Variants in ARHGAP10 observed in about 807,000 individuals in gnomAD.
ARHGAP10 encodes the protein Rho GTPase activating protein 10, also known as rho GTPase-activating protein 10.
In ARHGAP10, 87 loss-of-function variants were observed where a neutral mutation model predicts 108.6. The ratio of observed to expected loss-of-function variants is 0.80; its 90% confidence interval spans 0.67 to 0.96. ARHGAP10 has a LOEUF of 0.96. ARHGAP10 is among the 40% of genes least tolerant of loss of function. The pLI is 0.00. For synonymous variants in ARHGAP10, 347 were observed against 341.1 expected (o/e 1.02, Z -0.19); for missense variants, 939 against 954.5 (o/e 0.98, Z 0.21).
In ARHGAP10 at chr4:147,976,532, T is replaced by C. The variant is rs572930655; in HGVS notation, c.1716+9693T>C. Among the ~76,000 whole-genome samples the C allele has an allele frequency of 4.0e-4, 58 of 146,054 alleles. 1 individual carries two copies. Among genetic ancestry groups the C allele is most frequent in the Admixed American group, 1.8e-3 (27 of 15,030 alleles). ...GCATTGCTATGAAAACTTTACTGTT[T>C]TGTGTGTGGTTTTTTTTTTTTTTTC... On this transcript the variant is annotated intron_variant, in intron 18 of 22. Transcript: ENST00000336498.
At chr4:147,751,877 C>G (rs1036740043) in intron 1 of ARHGAP10, among the ~76,000 whole-genome samples, 1 of 149,400 alleles carries the variant, frequency 6.7e-6, no homozygotes, top group Non-Finnish European at 1.5e-5. Context: ...CTTTCTGAAG[C>G]CTTTAGTTTT....
intron 1 of ARHGAP10, among the ~76,000 whole-genome samples, chr4:147,783,747 T>G (rs1370505567): frequency 1.4e-5 from 2 of 146,868 alleles, no homozygotes; most frequent in African/African-American, 2.5e-5. Flanking sequence ...ATTGTATAAT[T>G]TATAGAACAC....
chr4:147,848,837 C>G (rs1447872780), intron 4 of ARHGAP10, among the ~76,000 whole-genome samples: 1 of 152,156 alleles, frequency 6.6e-6, no homozygotes, highest in East Asian at 1.9e-4. Context: ...AACATTTGTT[C>G]AGAGTATATC....
intron 18 of ARHGAP10, among the ~76,000 whole-genome samples, chr4:147,996,680 A>G (rs776881815): frequency 2.0e-4 from 30 of 152,322 alleles, no homozygotes; most frequent in Middle Eastern, 3.4e-3. Flanking sequence ...GTTATGGACT[A>G]AACTGTGACC....
chr4:147,920,338 A>AC (rs1200248790), intron 13 of ARHGAP10, among the ~76,000 whole-genome samples: 1 of 151,560 alleles, frequency 6.6e-6, no homozygotes, highest in Non-Finnish European at 1.5e-5. Flanking sequence ...AATGGTGTGA[A>AC]CCCGGGAGGT....
At chr4:147,832,663 A>AAAAAAAAAT (rs1161955296) in intron 3 of ARHGAP10, among the ~76,000 whole-genome samples, 1 of 150,862 alleles carries the variant, frequency 6.6e-6, no homozygotes, top group Non-Finnish European at 1.5e-5. Context: ...AAAAAAAAAA[A>AAAAAAAAAT]AGGAAATTGG....
At chr4:147,884,456 C>A (rs1459594462) in intron 10 of ARHGAP10, among the ~76,000 whole-genome samples, 3 of 151,964 alleles carry the variant, frequency 2.0e-5, no homozygotes, top group African/African-American at 7.2e-5. Flanking sequence ...GTATATAAAG[C>A]AAAAAAAGTG....
At chr4:147,950,635 T>C (rs998061341) in intron 15 of ARHGAP10, among the ~76,000 whole-genome samples, 1 of 152,154 alleles carries the variant, frequency 6.6e-6, no homozygotes, top group African/African-American at 2.4e-5. Context: ...TCCAGGGTCT[T>C]GGAGAAGGAA....
At chr4:147,938,024 G>A (rs938018464) in intron 13 of ARHGAP10, among the ~76,000 whole-genome samples, 1 of 152,166 alleles carries the variant, frequency 6.6e-6, no homozygotes, top group Non-Finnish European at 1.5e-5. Context: ...GGACTACTAT[G>A]CAGCCCTAAA....
chr4:148,023,848 TC>T (rs111716507), intron 19 of ARHGAP10, among the ~76,000 whole-genome samples: 141 of 152,372 alleles, frequency 9.3e-4, no homozygotes, highest in African/African-American at 2.3e-3. Flanking sequence ...GCCCCATTTT[TC>T]TGACTTGTTC....
intron 1 of ARHGAP10, among the ~76,000 whole-genome samples, chr4:147,808,325 AT>A (rs771761204): frequency 4.9e-3 from 693 of 142,208 alleles, no homozygotes; most frequent in Middle Eastern, 0.014. Context: ...AAACTTTGGC[AT>A]TTTTTTTTTT....
chr4:147,836,842 T>G lies in ARHGAP10; in HGVS notation c.313-10309T>G, dbSNP rs187500411. Among the ~76,000 whole-genome samples, 23 of 152,344 alleles carry G rather than the reference T, an allele frequency of 1.5e-4. No individual in the cohort carries two copies. In the East Asian group the frequency reaches 4.0e-3, roughly 27 times the overall value. ...GCTTCAAGTATGATGTGCCTTTTTT[T>G]TTTTAAATTGTTTTAGGTAGGGAGA... is the stretch of plus-strand genomic sequence containing the variant. On this transcript the variant is annotated intron_variant, in intron 3 of 22. Coordinates refer to ENST00000336498, the MANE Select transcript of ARHGAP10 (RefSeq NM_024605.4).
chr4:148,005,381 T>A (rs1458450379), intron 18 of ARHGAP10, among the ~76,000 whole-genome samples: 1 of 152,134 alleles, frequency 6.6e-6, no homozygotes, highest in African/African-American at 2.4e-5. Flanking sequence ...CCCAGGAGTT[T>A]GAGACCACCC....
chr4:147,821,096 T>G (rs1732479978), intron 1 of ARHGAP10, among the ~76,000 whole-genome samples: 2 of 152,098 alleles, frequency 1.3e-5, no homozygotes, highest in South Asian at 4.1e-4. Context: ...CTGCGGCAAC[T>G]ATACGGGGCC....
At chr4:147,751,306 A>G (rs961206924) in intron 1 of ARHGAP10, among the ~76,000 whole-genome samples, 1 of 152,196 alleles carries the variant, frequency 6.6e-6, no homozygotes, top group Admixed American at 6.6e-5. Flanking sequence ...GTACTAAAAC[A>G]AGTTTACTGG....
intron 22 of ARHGAP10, among the ~76,000 whole-genome samples, chr4:148,070,581 A>G (rs1730126937): frequency 1.3e-5 from 2 of 152,252 alleles, no homozygotes; most frequent in African/African-American, 4.8e-5. Flanking sequence ...CATTCAAAGA[A>G]TAATACTTTT....
At chr4:148,017,694 G>GTAAAGGAA (rs1231395256) in intron 18 of ARHGAP10, among the ~76,000 whole-genome samples, 1 of 140,056 alleles carries the variant, frequency 7.1e-6, no homozygotes, top group African/African-American at 2.9e-5. Flanking sequence ...GTGTGTGTAT[G>GTAAAGGAA]TAAAGGAATT....
intron 1 of ARHGAP10, among the ~76,000 whole-genome samples, chr4:147,786,852 T>A (rs1730911510): frequency 6.6e-6 from 1 of 152,220 alleles, no homozygotes. Flanking sequence ...CCTTTCTTTG[T>A]TCAACACTCC....
At chr4:148,054,773 A>G (rs549747692) in intron 20 of ARHGAP10, among the ~76,000 whole-genome samples, 1 of 152,326 alleles carries the variant, frequency 6.6e-6, no homozygotes, top group African/African-American at 2.4e-5. Flanking sequence ...AACCACATTT[A>G]TAACTTATTC....
Sources: gnomAD v4.1 joint callset for allele counts (sites outside exome capture counted in the v4.1 genomes callset) on GRCh38, gnomAD v4.1.1 for gene constraint, MANE v1.5 for transcripts, NCBI Gene and HGNC (gene_info 2026-07-23, HGNC 2026-07-21) for gene names.